The following PRKN variants were observed in gnomAD, a reference collection of about 807,000 sequenced individuals.
The protein encoded by PRKN is parkin RBR E3 ubiquitin protein ligase, also known as E3 ubiquitin-protein ligase parkin.
PRKN carries 56 observed loss-of-function variants against 59.5 expected under a neutral mutation model. That is an observed-to-expected ratio of 0.94 (90% CI 0.76 to 1.18). PRKN has a LOEUF of 1.18. Among genes scored for constraint, PRKN ranks in the 50% most tolerant of loss-of-function variants. The pLI is 0.00. For missense variants in PRKN, 657 were observed against 596.4 expected, an observed-to-expected ratio of 1.10 and a Z score of -1.06; for synonymous variants, 250 against 222.1, an observed-to-expected ratio of 1.13 and a Z score of -1.12.
intron 9 of PRKN, among the ~76,000 whole-genome samples, chr6:161,501,910 T>C (rs1490432561): frequency 6.6e-6 from 1 of 152,142 alleles, no homozygotes; most frequent in Admixed American, 6.5e-5. Context: ...GATATGAAGA[T>C]ATAACCCTAC....
intron 5 of PRKN, among the ~76,000 whole-genome samples, chr6:161,982,097 T>G (rs1781280462): frequency 6.6e-6 from 1 of 152,196 alleles, no homozygotes; most frequent in Admixed American, 6.5e-5. Flanking sequence ...TGTAAGTTCT[T>G]CAGTGTGCCT....
chr6:161,573,087 C>T (rs1460412468), intron 7 of PRKN, among the ~76,000 whole-genome samples: 2 of 152,242 alleles, frequency 1.3e-5, no homozygotes, highest in South Asian at 4.1e-4. Flanking sequence ...CCAGTGACGT[C>T]CCATGGTCTG....
At chr6:162,484,690 T>C (rs563710123) in intron 1 of PRKN, among the ~76,000 whole-genome samples, 3 of 152,322 alleles carry the variant, frequency 2.0e-5, no homozygotes, top group African/African-American at 7.2e-5. Context: ...AATTTGCGGT[T>C]CTTCAGCTGC....
At chr6:161,998,451 GTAAA>G (rs1363733487) in intron 5 of PRKN, among the ~76,000 whole-genome samples, 1 of 152,074 alleles carries the variant, frequency 6.6e-6, no homozygotes, top group African/African-American at 2.4e-5. Context: ...ATATTTGCAT[GTAAA>G]TAAATATTTA....
At chr6:162,243,325 C>T (rs534491120) in intron 3 of PRKN, among the ~76,000 whole-genome samples, 4 of 152,136 alleles carry the variant, frequency 2.6e-5, no homozygotes, top group Non-Finnish European at 5.9e-5. Context: ...AATAAGAAGC[C>T]ATCAAATTAC....
At chr6:161,583,266 C>T (rs969974967) in intron 7 of PRKN, among the ~76,000 whole-genome samples, 1 of 151,938 alleles carries the variant, frequency 6.6e-6, no homozygotes, top group Non-Finnish European at 1.5e-5. Flanking sequence ...AATAATATAT[C>T]GACTAGGTAG....
Position 161,373,190 on chromosome 6 carries a change from T to G in PRKN, c.1168-12985A>C, listed in dbSNP as rs1459341086. Among the ~76,000 whole-genome samples, 6 of 152,138 alleles carry G rather than the reference T, an allele frequency of 3.9e-5. No homozygotes were observed. Among genetic ancestry groups the G allele is most frequent in the Non-Finnish European group, 7.3e-5 (5 of 68,030 alleles). On this transcript the variant is annotated intron_variant, in intron 10 of 11. Coordinates refer to ENST00000366898, the MANE Select transcript of PRKN (RefSeq NM_004562.3). The surrounding 1 kb of genome is among the most constrained non-coding windows in gnomAD (Gnocchi z 4.8). The stretch of plus-strand genomic sequence containing the variant: ...ATGGACTGGGTGAGGCCCACCCACA[T>G]TATAGAGGGTCATCTCCTTGACCTC...
intron 4 of PRKN, among the ~76,000 whole-genome samples, chr6:162,107,451 C>T (rs1397201471): frequency 4.6e-5 from 7 of 152,082 alleles, no homozygotes; most frequent in Non-Finnish European, 7.4e-5. Flanking sequence ...GGCGACAGAG[C>T]GAGACTCTGT....
At chr6:162,356,982 G>A (rs148752516) in intron 2 of PRKN, among the ~76,000 whole-genome samples, 6 of 151,996 alleles carry the variant, frequency 3.9e-5, no homozygotes, top group South Asian at 2.1e-4. Flanking sequence ...CTAAAAATGC[G>A]CCATAAACTT....
At chr6:162,052,076 C>G (rs1447433533) in intron 5 of PRKN, among the ~76,000 whole-genome samples, 1 of 152,176 alleles carries the variant, frequency 6.6e-6, no homozygotes, top group East Asian at 1.9e-4. Context: ...TGGCCGTAGA[C>G]AGGAATGACT....
intron 2 of PRKN, among the ~76,000 whole-genome samples, chr6:162,441,978 A>T: frequency 6.6e-6 from 1 of 151,796 alleles, no homozygotes; most frequent in East Asian, 1.9e-4. Flanking sequence ...GTTGGCAGAT[A>T]CAGTGAAAAT....
intron 9 of PRKN, among the ~76,000 whole-genome samples, chr6:161,387,950 C>A (rs1030802299): frequency 6.6e-6 from 1 of 152,176 alleles, no homozygotes; most frequent in Non-Finnish European, 1.5e-5. Context: ...GCCCAAGGAA[C>A]CAATGCCCTC....
chr6:162,623,707 T>C (rs561214690), intron 1 of PRKN, among the ~76,000 whole-genome samples: 1 of 152,256 alleles, frequency 6.6e-6, no homozygotes, highest in East Asian at 1.9e-4. Context: ...TCAAAAGAAC[T>C]GTCATATAAA....
chr6:162,669,226 C>CTT (rs36079627), intron 1 of PRKN, among the ~76,000 whole-genome samples: 8 of 148,948 alleles, frequency 5.4e-5, no homozygotes, highest in South Asian at 2.1e-4. Flanking sequence ...ATGAGGACAT[C>CTT]TTTTTTTTTT....
intron 2 of PRKN, among the ~76,000 whole-genome samples, chr6:162,296,665 A>C (rs1781691913): frequency 6.6e-6 from 1 of 152,180 alleles, no homozygotes; most frequent in Non-Finnish European, 1.5e-5. Context: ...ATGTGCTCAG[A>C]TTGCAAATGT....
At chr6:161,801,588 G>A (rs1791081220) in intron 6 of PRKN, among the ~76,000 whole-genome samples, 1 of 152,184 alleles carries the variant, frequency 6.6e-6, no homozygotes, top group African/African-American at 2.4e-5. Context: ...AACACAGTGG[G>A]CAACAACCTA....
At chr6:162,551,341 A>G (rs1158290946) in intron 1 of PRKN, among the ~76,000 whole-genome samples, 1 of 152,210 alleles carries the variant, frequency 6.6e-6, no homozygotes, top group African/African-American at 2.4e-5. Flanking sequence ...GAGGTTCGTT[A>G]AAGTGTTATA....
chr6:162,683,335 G>T (rs1354476912), intron 1 of PRKN, among the ~76,000 whole-genome samples: 1 of 152,146 alleles, frequency 6.6e-6, no homozygotes. Context: ...ACAGCAGAGA[G>T]AACATTTTCA....
chr6:162,689,069 C>A (rs1319226819), intron 1 of PRKN, among the ~76,000 whole-genome samples: 1 of 152,202 alleles, frequency 6.6e-6, no homozygotes, highest in Non-Finnish European at 1.5e-5. Flanking sequence ...TCCCCCACTT[C>A]TTGTATTAAC....
Sources: allele counts gnomAD v4.1 joint callset (sites outside exome capture counted in the v4.1 genomes callset), GRCh38; gene constraint gnomAD v4.1.1; non-coding constraint Gnocchi (gnomAD v3.1); transcripts MANE v1.5; gene names NCBI Gene and HGNC (gene_info 2026-07-23, HGNC 2026-07-21).